The following SNX25 variants were observed in gnomAD, a reference collection of about 807,000 sequenced individuals.
The protein encoded by SNX25 is sorting nexin-25.
A neutral mutation model predicts 113.7 loss-of-function variants in SNX25; 62 were observed. That is an observed-to-expected ratio of 0.55 (90% CI 0.44 to 0.67). The LOEUF is 0.67. Among genes scored for constraint, SNX25 ranks in the 30% least tolerant of loss-of-function variants. The pLI is 0.00. For missense variants in SNX25, 1,014 were observed against 1,161.0 expected, an observed-to-expected ratio of 0.87 and a Z score of 1.84; for synonymous variants, 421 against 436.2, an observed-to-expected ratio of 0.97 and a Z score of 0.43.
chr4:185,239,485 AAG>A (rs561013594), intron 1 of SNX25, among the ~76,000 whole-genome samples: 1 of 152,228 alleles, frequency 6.6e-6, no homozygotes, highest in Non-Finnish European at 1.5e-5. Context: ...CCGTCTCAAA[AAG>A]AAAAAAAATA....
chr4:185,349,376 G>T (rs536915088), intron 13 of SNX25, among the ~76,000 whole-genome samples: 19 of 152,262 alleles, frequency 1.2e-4, no homozygotes, highest in African/African-American at 4.3e-4. Flanking sequence ...CTTTAAATGG[G>T]AATGCAGATA....
At chr4:185,325,641 CTT>C (rs1561015544) in intron 9 of SNX25, among the ~76,000 whole-genome samples, 1 of 151,812 alleles carries the variant, frequency 6.6e-6, no homozygotes, top group Non-Finnish European at 1.5e-5. Flanking sequence ...TTAAATAGAC[CTT>C]TTAAATTGGC....
chr4:185,217,922 C>T (rs1055217720), intron 1 of SNX25, among the ~76,000 whole-genome samples: 10 of 152,114 alleles, frequency 6.6e-5, no homozygotes, highest in African/African-American at 2.4e-4. Context: ...AAACTCAGAA[C>T]CTGTATTTTT....
chr4:185,301,141 C>T (rs970672046), intron 6 of SNX25, among the ~76,000 whole-genome samples: 6 of 152,138 alleles, frequency 3.9e-5, no homozygotes, highest in Non-Finnish European at 8.8e-5. Flanking sequence ...TCTAAACAGG[C>T]GGGCCTTGCT....
intron 10 of SNX25, among the ~76,000 whole-genome samples, chr4:185,338,962 T>C (rs1176735026): frequency 6.6e-6 from 1 of 152,200 alleles, no homozygotes; most frequent in Non-Finnish European, 1.5e-5. Flanking sequence ...CTTGAGATTC[T>C]ATATGGATTT....
chr4:185,327,900 G>A (rs1052199765), intron 9 of SNX25, among the ~76,000 whole-genome samples: 4 of 152,166 alleles, frequency 2.6e-5, no homozygotes, highest in Middle Eastern at 3.4e-3. Context: ...TATAGTATTC[G>A]GCAGAGATAA....
At chr4:185,338,546 C>T (rs2095244253) in intron 10 of SNX25, among the ~76,000 whole-genome samples, 1 of 152,124 alleles carries the variant, frequency 6.6e-6, no homozygotes, top group Non-Finnish European at 1.5e-5. Context: ...CCTTAGCCTC[C>T]CAAAGTGCTA....
intron 1 of SNX25, among the ~76,000 whole-genome samples, chr4:185,244,399 C>T (rs1326927542): frequency 1.3e-5 from 2 of 152,212 alleles, no homozygotes; most frequent in Admixed American, 6.5e-5. Context: ...AATTATTTAG[C>T]AGTGTAGACC....
At chr4:185,206,412 T>C (rs1405601313), upstream of SNX25, among the ~76,000 whole-genome samples, 2 of 152,072 alleles carry the variant, frequency 1.3e-5, no homozygotes, top group Non-Finnish European at 1.5e-5. Flanking sequence ...GGCTCACTCC[T>C]GTAATCCCAG....
chr4:185,338,981 AT>A (rs1016125631), intron 10 of SNX25, among the ~76,000 whole-genome samples: 17 of 150,402 alleles, frequency 1.1e-4, no homozygotes, highest in Admixed American at 6.6e-4. Context: ...TTTAGAATGA[AT>A]TTTTTTTTTA....
chr4:185,266,989 T>G lies in SNX25; in HGVS notation c.925T>G (p.Leu309Val). ...TGTAGTCTTGAAGCCGGTAGTGGAG[T>G]TACTGAGTAATCCAGATTACATTAA... ...TTKVLKPVVE[L>V]LSNPDYINQM... The change falls in exon 5 of 19, where the codon TTA becomes GTA. Residue 309 changes from leucine to valine, a missense_variant. Coordinates refer to ENST00000652585, the MANE Select transcript of SNX25 (RefSeq NM_001378034.2). The G allele has an allele frequency of 6.2e-7, 1 of 1,612,364 alleles. No individual in the cohort carries two copies. Among genetic ancestry groups the G allele is most frequent in the Non-Finnish European group, 8.5e-7 (1 of 1,179,384 alleles).
chr4:185,206,301 G>A (rs557919998), upstream of SNX25, among the ~76,000 whole-genome samples: 3 of 152,282 alleles, frequency 2.0e-5, no homozygotes, highest in Admixed American at 6.5e-5. Flanking sequence ...TACATAAAAT[G>A]GAATATTATT....
intron 1 of SNX25, among the ~76,000 whole-genome samples, chr4:185,230,580 A>G (rs10026648): frequency 0.65 from 98,579 of 150,898 alleles, 32,287 homozygotes; most frequent in East Asian, 0.75. Context: ...TTTTTTTTTA[A>G]TAGAGACAGG....
At chr4:185,319,100 A>G (rs199901951) in intron 7 of SNX25, among the ~76,000 whole-genome samples, 3 of 116,586 alleles carry the variant, frequency 2.6e-5, no homozygotes, top group Admixed American at 1.7e-4. Flanking sequence ...TATTTTTTTT[A>G]TTTTTTTTTT....
rs1453235978 is a variant in SNX25, at chr4:185,334,813, C to T, written c.1914+2054C>T. On this transcript the variant is annotated intron_variant, in intron 10 of 18. Transcript: ENST00000652585. This position sits in a 1 kb window ranked among gnomAD's most constrained non-coding sequence, Gnocchi z 4.2. Reference sequence around the variant, plus strand: ...AGAAACTTGGAGCGATTCACTGGTACTGTGGCTTAACTTGAACTCTACTCT... The same window carrying T: ...AGAAACTTGGAGCGATTCACTGGTATTGTGGCTTAACTTGAACTCTACTCT... Among the ~76,000 whole-genome samples the T allele has an allele frequency of 6.6e-6, 1 of 152,176 alleles. No individual in the cohort carries two copies. The highest frequency in any genetic ancestry group is 1.9e-4 in the East Asian group (1 of 5,194).
At position 185,358,169 on chromosome 4, in the gene SNX25, GT is replaced by G. The variant is rs199589466; in HGVS notation, c.2651+436del. Among the ~76,000 whole-genome samples the G allele has an allele frequency of 4.6e-5, 7 of 152,166 alleles. No homozygotes were observed. In the East Asian group the frequency reaches 1.3e-3, roughly 29 times the overall value. ...AGGAAAATACAGACCATGTATTAAGGTTTTCACAGTTGTGTAGCACTGAAGT... is the reference window on the plus strand; with the variant it reads ...AGGAAAATACAGACCATGTATTAAGGTTTCACAGTTGTGTAGCACTGAAGT... On this transcript the variant is annotated intron_variant, in intron 16 of 18. Transcript: ENST00000652585.
chr4:185,241,863 T>G (rs1006066647), intron 1 of SNX25, among the ~76,000 whole-genome samples: 34 of 152,188 alleles, frequency 2.2e-4, no homozygotes, highest in African/African-American at 8.2e-4. Flanking sequence ...CATAATAGAG[T>G]AAGTCTTTGG....
At chr4:185,350,073 A>G (rs189228101) in intron 13 of SNX25, among the ~76,000 whole-genome samples, 4 of 152,296 alleles carry the variant, frequency 2.6e-5, no homozygotes, top group African/African-American at 9.6e-5. Flanking sequence ...CTCCTTCTCA[A>G]TGGCCATGGC....
At position 185,323,779 on chromosome 4, in the gene SNX25, G is replaced by T; in HGVS notation, c.1728G>T (p.Met576Ile). 1 of 1,613,136 alleles carries T rather than the reference G, an allele frequency of 6.2e-7. No individual in the cohort carries two copies. The highest frequency in any genetic ancestry group is 8.5e-7 in the Non-Finnish European group (1 of 1,179,754). The stretch of plus-strand genomic sequence containing the variant: ...AGGAAGAAAAACATGCCTCACAGAT[G>T]ATTTCCAACAAGGATGAGATGGTGA... ...IKEEEKHASQMISNKDEMGPR... is the reference protein window; with the variant it reads ...IKEEEKHASQIISNKDEMGPR... Residue 576 changes from methionine to isoleucine, a missense_variant, in exon 9 of 19, where the codon ATG becomes ATT. Transcript: ENST00000652585.
Sources: allele counts gnomAD v4.1 joint callset (sites outside exome capture counted in the v4.1 genomes callset), GRCh38; gene constraint gnomAD v4.1.1; non-coding constraint Gnocchi (gnomAD v3.1); transcripts MANE v1.5; gene names NCBI Gene and HGNC (gene_info 2026-07-23, HGNC 2026-07-21).